Variants in DLG2 observed in about 807,000 individuals in gnomAD.
DLG2 encodes discs large MAGUK scaffold protein 2.
DLG2 carries 45 observed loss-of-function variants against 132.5 expected under a neutral mutation model. The ratio of observed to expected loss-of-function variants is 0.34; its 90% CI spans 0.27 to 0.44. The LOEUF is 0.44. DLG2 is among the 20% of genes least tolerant of loss of function. The pLI is 1.00. For missense variants in DLG2, 1,045 were observed against 1,196.9 expected (o/e 0.87, Z 1.87); for synonymous variants, 424 against 419.6 (o/e 1.01, Z -0.13).
intron 11 of DLG2, among the ~76,000 whole-genome samples, chr11:84,034,772 G>T (rs10501553): frequency 0.65 from 98,212 of 151,974 alleles, 34,047 homozygotes; most frequent in Non-Finnish European, 0.78. Flanking sequence ...AAATCAGAAA[G>T]CCTCCTTATA....
chr11:84,422,896 C>T (rs1274838980), intron 7 of DLG2, among the ~76,000 whole-genome samples: 1 of 152,040 alleles, frequency 6.6e-6, no homozygotes, highest in Non-Finnish European at 1.5e-5. Context: ...TTACTTGCAA[C>T]AAAATGCTTA....
At chr11:84,786,079 G>A (rs928314137) in intron 6 of DLG2, among the ~76,000 whole-genome samples, 1 of 151,930 alleles carries the variant, frequency 6.6e-6, no homozygotes, top group African/African-American at 2.4e-5. Context: ...CTTTTAAGTG[G>A]ACAAAACTAG....
At chr11:84,886,935 A>C (rs2088432903) in intron 6 of DLG2, among the ~76,000 whole-genome samples, 1 of 152,144 alleles carries the variant, frequency 6.6e-6, no homozygotes, top group Admixed American at 6.6e-5. Context: ...CCCTTCTATC[A>C]AAGTAGTATA....
At chr11:85,344,136 C>T (rs1287018386) in intron 3 of DLG2, among the ~76,000 whole-genome samples, 1 of 152,116 alleles carries the variant, frequency 6.6e-6, no homozygotes, top group African/African-American at 2.4e-5. Context: ...CTTCTTTGTA[C>T]CTCTGTCCAC....
intron 6 of DLG2, among the ~76,000 whole-genome samples, chr11:85,050,302 G>A (rs2062774213): frequency 1.3e-5 from 2 of 151,774 alleles, no homozygotes. Context: ...AATTACCTCG[G>A]CTAGACCACA....
chr11:84,213,524 G>T (rs1473024885), intron 8 of DLG2, among the ~76,000 whole-genome samples: 1 of 151,948 alleles, frequency 6.6e-6, no homozygotes, highest in East Asian at 1.9e-4. Context: ...TACTAAATTA[G>T]AATGTATGTA....
intron 17 of DLG2, among the ~76,000 whole-genome samples, chr11:83,832,064 T>C (rs543622385): frequency 6.6e-6 from 1 of 152,312 alleles, no homozygotes; most frequent in Non-Finnish European, 1.5e-5. Flanking sequence ...AGGTAAACTT[T>C]GACAAGCTGG....
At chr11:84,700,907 C>T (rs1439753625) in intron 6 of DLG2, among the ~76,000 whole-genome samples, 1 of 151,640 alleles carries the variant, frequency 6.6e-6, no homozygotes, top group Non-Finnish European at 1.5e-5. Flanking sequence ...ATCCTGCCAT[C>T]ATTCCCCAGT....
At chr11:84,223,927 C>T (rs2096952930) in intron 8 of DLG2, among the ~76,000 whole-genome samples, 1 of 152,188 alleles carries the variant, frequency 6.6e-6, no homozygotes, top group Admixed American at 6.5e-5. Flanking sequence ...CCCTGGCACA[C>T]ATGCTTATAT....
At chr11:84,864,712 T>G (rs1231828183) in intron 6 of DLG2, among the ~76,000 whole-genome samples, 1 of 152,156 alleles carries the variant, frequency 6.6e-6, no homozygotes, top group Non-Finnish European at 1.5e-5. Context: ...AACATGGCAG[T>G]GTAACAATAG....
intron 19 of DLG2, among the ~76,000 whole-genome samples, chr11:83,626,512 AG>A (rs1230560504): frequency 6.6e-6 from 1 of 152,180 alleles, no homozygotes; most frequent in Non-Finnish European, 1.5e-5. Flanking sequence ...AAGTTAAACG[AG>A]GGGCAAGAAG....
At chr11:84,944,423 T>C (rs2049914241) in intron 6 of DLG2, among the ~76,000 whole-genome samples, 1 of 152,012 alleles carries the variant, frequency 6.6e-6, no homozygotes, top group Admixed American at 6.6e-5. Context: ...TCATTTTTTG[T>C]TTTTCTTTTG....
chr11:85,571,820 G>C (rs936697563), intron 3 of DLG2, among the ~76,000 whole-genome samples: 5 of 152,160 alleles, frequency 3.3e-5, no homozygotes, highest in African/African-American at 1.2e-4. Flanking sequence ...TAATGTACCA[G>C]TACTGGGTTT....
chr11:85,280,881 A>AT (rs144871388), intron 4 of DLG2, among the ~76,000 whole-genome samples: 6,494 of 152,068 alleles, frequency 0.043, 181 homozygotes, highest in East Asian at 0.096. Flanking sequence ...AAGGTCATTT[A>AT]TTTTTTATTC....
At chr11:84,708,607 C>T (rs1321712246) in intron 6 of DLG2, among the ~76,000 whole-genome samples, 1 of 151,764 alleles carries the variant, frequency 6.6e-6, no homozygotes, top group Admixed American at 6.6e-5. Context: ...TGCTTGCTCT[C>T]CCTTCAGCCA....
chr11:84,239,838 C>G (rs1378716466), intron 8 of DLG2, among the ~76,000 whole-genome samples: 1 of 152,196 alleles, frequency 6.6e-6, no homozygotes, highest in Non-Finnish European at 1.5e-5. Flanking sequence ...AAGGCTAGCA[C>G]TTGATGGATC....
At chr11:84,549,028 G>C (rs1284855454) in intron 6 of DLG2, among the ~76,000 whole-genome samples, 1 of 152,176 alleles carries the variant, frequency 6.6e-6, no homozygotes, top group Non-Finnish European at 1.5e-5. Flanking sequence ...AGAAGGTTCA[G>C]TGTGGTATAA....
At chr11:85,133,019 C>T in intron 5 of DLG2, 1 of 344,496 alleles carries the variant, frequency 2.9e-6, no homozygotes, top group Non-Finnish European at 5.8e-6. Flanking sequence ...GAAATCAGCT[C>T]CGGCAAAACT....
intron 8 of DLG2, among the ~76,000 whole-genome samples, chr11:84,209,626 A>G (rs1047421445): frequency 3.3e-5 from 5 of 151,922 alleles, no homozygotes; most frequent in African/African-American, 1.2e-4. Context: ...ATAAAAAAAA[A>G]AATTTGTTCG....
Sources: gnomAD v4.1 joint callset for allele counts (sites outside exome capture counted in the v4.1 genomes callset) on GRCh38, gnomAD v4.1.1 for gene constraint, MANE v1.5 for transcripts, NCBI Gene and HGNC (gene_info 2026-07-23, HGNC 2026-07-21) for gene names.